RP1: variants seen among roughly 807,000 people sequenced by gnomAD.
RP1 encodes the protein RP1 axonemal microtubule associated, also known as oxygen-regulated protein 1.
A neutral mutation model predicts 14.8 loss-of-function variants in RP1; 16 were observed. The ratio of observed to expected loss-of-function variants is 1.08; its 90% confidence interval spans 0.73 to 1.65. The LOEUF is 1.65. Ranked by LOEUF, RP1 falls within the 40% of genes most tolerant of loss-of-function variation. The pLI, the probability that RP1 is intolerant of heterozygous loss-of-function variation, is 0.00. For missense variants in RP1, 2,631 were observed against 2,535.0 expected (o/e 1.04, Z -0.81); for synonymous variants, 876 against 883.6 (o/e 0.99, Z 0.15).
intron 26 of RP1, among the ~76,000 whole-genome samples, chr8:54,855,690 A>C (rs1812177776): frequency 6.6e-6 from 1 of 152,178 alleles, no homozygotes; most frequent in African/African-American, 2.4e-5. Context: ...TGACACTTGA[A>C]TGTGTGCTCT....
rs185887558 is a variant in RP1, at chr8:54,814,356, A to C, written c.3616-23094A>C. On this transcript the variant is annotated intron_variant, in intron 24 of 28. Coordinates refer to the RP1 transcript ENST00000637698. Reference sequence around the variant, plus strand: ...GAGAATGAATGAGCACTCAAAAGTAAAAAATGAACAAAAATAAAAATAATG... The same window carrying C: ...GAGAATGAATGAGCACTCAAAAGTACAAAATGAACAAAAATAAAAATAATG... Among the ~76,000 whole-genome samples, 650 of 152,328 alleles carry C rather than the reference A, an allele frequency of 4.3e-3. 1 individual carries two copies. Among genetic ancestry groups the C allele is most frequent in the Non-Finnish European group, 7.3e-3 (498 of 68,036 alleles).
chr8:54,734,415 C>T (rs750278680), intron 17 of RP1: 35 of 735,728 alleles, frequency 4.8e-5, no homozygotes, highest in Admixed American at 5.8e-5. Flanking sequence ...GGAGTCTTCA[C>T]AGTGCAGTGC....
Position 54,627,282 on chromosome 8 carries a change from T to C in RP1, c.3400T>C (p.Leu1134=). 2 of 1,614,158 alleles carry C rather than the reference T, an allele frequency of 1.2e-6. No homozygotes were observed. Among genetic ancestry groups the C allele is most frequent in the Non-Finnish European group, 1.7e-6 (2 of 1,179,980 alleles). Residue 1134 remains leucine, a synonymous_variant, in exon 4 of 4, where the codon TTG becomes CTG. Transcript: ENST00000220676. ...CACTAATCTCCTTCTAGCTTGGCTCTTGGTGCTAAACCTAAAGGGAAGTAT... is the reference window on the plus strand; with the variant it reads ...CACTAATCTCCTTCTAGCTTGGCTCCTGGTGCTAAACCTAAAGGGAAGTAT... ...SSTNLLLAWL[L]VLNLKGSMNS...
chr8:54,809,575 A>G (rs1810938454), intron 24 of RP1, among the ~76,000 whole-genome samples: 1 of 122,148 alleles, frequency 8.2e-6, no homozygotes, highest in African/African-American at 3.5e-5. Flanking sequence ...CTTATGCCAG[A>G]AAGACATGCT....
At chr8:54,857,017 T>G (rs1312583339) in intron 26 of RP1, 3 of 1,037,256 alleles carry the variant, frequency 2.9e-6, no homozygotes, top group East Asian at 3.3e-5. Context: ...GTTTATTTCT[T>G]TATTGTACAG....
downstream of RP1, among the ~76,000 whole-genome samples, chr8:54,771,270 T>G (rs945170861): frequency 2.0e-5 from 3 of 152,014 alleles, no homozygotes; most frequent in Admixed American, 1.3e-4. Context: ...TGTCTTACAA[T>G]AAACCGTCAA....
chr8:54,588,138 C>A (rs960397325), intron 1 of RP1, among the ~76,000 whole-genome samples: 3 of 152,148 alleles, frequency 2.0e-5, no homozygotes, highest in Non-Finnish European at 2.9e-5. Flanking sequence ...AATTATGGTG[C>A]ATATTTCATT....
chr8:54,726,681 T>C (rs1163346473), intron 17 of RP1, among the ~76,000 whole-genome samples: 1 of 152,140 alleles, frequency 6.6e-6, no homozygotes, highest in African/African-American at 2.4e-5. Flanking sequence ...TGTTTCTTTG[T>C]CTTAAATTTA....
At chr8:54,604,298 T>C (rs946894943) in intron 1 of RP1, among the ~76,000 whole-genome samples, 14 of 152,178 alleles carry the variant, frequency 9.2e-5, no homozygotes, top group Non-Finnish European at 1.9e-4. Flanking sequence ...GAGATAATCA[T>C]GTGGTTTTTG....
At position 54,622,220 on chromosome 8, in the gene RP1, C is replaced by A; in HGVS notation, c.719C>A (p.Pro240His). 4.3e-6 allele frequency: 7 copies of A among 1,614,162 alleles called. No individual in the cohort carries two copies. Among genetic ancestry groups the A allele is most frequent in the Non-Finnish European group, 5.9e-6 (7 of 1,180,014 alleles). Residue 240 changes from proline to histidine, a missense_variant, in exon 3 of 4, where the codon CCT becomes CAT. Pro to His is a moderately conservative substitution (Grantham distance 77). Transcript: ENST00000220676. The part of the protein sequence containing the change: ...GNYDIQKYLL[P>H]ARLPGISQRV... ...TATGACATCCAAAAATACTTGCTTC[C>A]TGCTAGATTACCAGGGATCTCTCAG...
chr8:54,825,769 T>A (rs890674836), intron 24 of RP1, among the ~76,000 whole-genome samples: 14 of 152,200 alleles, frequency 9.2e-5, no homozygotes, highest in African/African-American at 3.4e-4. Flanking sequence ...CCTTTACATA[T>A]TTTGCTTGAG....
Position 54,629,015 on chromosome 8 carries a change from C to T in RP1, c.5133C>T (p.Asp1711=), listed in dbSNP as rs1806168770. The change falls in exon 4 of 4, where the codon GAC becomes GAT. Residue 1711 remains aspartate, a synonymous_variant. Transcript: ENST00000220676. ...QDKCDVSAVR[D]NYCRGDIVEP... ...AGTGTGATGTTAGTGCTGTGAGGGA[C>T]AATTATTGTAGGGGTGACATTGTAG... 1 of 1,613,932 alleles carries T rather than the reference C, an allele frequency of 6.2e-7. No individual in the cohort carries two copies. The highest frequency in any genetic ancestry group is 8.5e-7 in the Non-Finnish European group (1 of 1,179,926).
chr8:54,593,304 T>C (rs1253538511), intron 1 of RP1, among the ~76,000 whole-genome samples: 1 of 152,226 alleles, frequency 6.6e-6, no homozygotes. Flanking sequence ...ACCATTTTAT[T>C]TCAGGCCTGT....
chr8:54,566,910 C>T lies in RP1; in HGVS notation c.-13+7590C>T, dbSNP rs184280172. Among the ~76,000 whole-genome samples, 1,328 of 152,260 alleles carry T rather than the reference C, an allele frequency of 8.7e-3. 12 individuals are homozygous for T. Among genetic ancestry groups the T allele is most frequent in the Non-Finnish European group, 0.011 (739 of 68,020 alleles). Reference sequence around the variant, plus strand: ...ACTAAAATGTCGGATGGTACCGAGGCCCAAGGTGCGCTGTGTGGAGCCAGC... The same window carrying T: ...ACTAAAATGTCGGATGGTACCGAGGTCCAAGGTGCGCTGTGTGGAGCCAGC... On this transcript the variant is annotated intron_variant, in intron 1 of 22. Transcript: ENST00000636932.
intron 12 of RP1, among the ~76,000 whole-genome samples, chr8:54,698,681 A>G (rs1807934153): frequency 6.6e-6 from 1 of 152,210 alleles, no homozygotes; most frequent in Non-Finnish European, 1.5e-5. Flanking sequence ...AATGTGGCAC[A>G]TATACACCAT....
chr8:54,744,682 A>C (rs1231264619), intron 19 of RP1, among the ~76,000 whole-genome samples: 1 of 152,172 alleles, frequency 6.6e-6, no homozygotes, highest in Non-Finnish European at 1.5e-5. Context: ...ATTAAACTCC[A>C]GTCATTATTT....
intron 12 of RP1, among the ~76,000 whole-genome samples, chr8:54,688,997 G>A (rs1195698501): frequency 1.3e-5 from 2 of 152,112 alleles, no homozygotes; most frequent in East Asian, 1.9e-4. Flanking sequence ...TTGAGCAGTG[G>A]TTTGTAGTTC....
intron 22 of RP1, among the ~76,000 whole-genome samples, chr8:54,763,296 A>G (rs1450127781): frequency 6.6e-6 from 1 of 152,188 alleles, no homozygotes. Flanking sequence ...TTGACCTAGG[A>G]GGGCCTGGAG....
rs527875396 is a variant in RP1, at chr8:54,829,883, G to A, written c.3616-7567G>A. ...CATGTGGAATGATTCTGGGGAGGGG[G>A]AAAGGACAACACTTTCTCCCATAAA... On this transcript the variant is annotated intron_variant, in intron 24 of 28. Coordinates refer to the RP1 transcript ENST00000637698. 8.5e-5 allele frequency among the ~76,000 whole-genome samples: 13 copies of A among 152,216 alleles called. No homozygotes were observed. In the South Asian group the frequency reaches 2.7e-3, roughly 32 times the overall value.
Sources: gnomAD v4.1 joint callset for allele counts (sites outside exome capture counted in the v4.1 genomes callset) on GRCh38, gnomAD v4.1.1 for gene constraint, MANE v1.5 for transcripts, NCBI Gene and HGNC (gene_info 2026-07-23, HGNC 2026-07-21) for gene names.